The following SYNPO2 variants were observed in gnomAD, a reference collection of about 807,000 sequenced individuals.
The protein encoded by SYNPO2 is synaptopodin 2.
SYNPO2 carries 56 observed loss-of-function variants against 85.0 expected under a neutral mutation model. The observed-to-expected ratio is 0.66, with a 90% CI of 0.53 to 0.82. SYNPO2 has a LOEUF of 0.82. Among genes scored for constraint, SYNPO2 ranks in the 40% least tolerant of loss-of-function variants. SYNPO2 has a pLI of 0.00. For missense variants in SYNPO2, 1,575 were observed against 1,534.2 expected, an observed-to-expected ratio of 1.03 and a Z score of -0.44; for synonymous variants, 602 against 591.1, an observed-to-expected ratio of 1.02 and a Z score of -0.27.
At chr4:119,000,340 A>G (rs1736778200) in intron 1 of SYNPO2, among the ~76,000 whole-genome samples, 1 of 152,190 alleles carries the variant, frequency 6.6e-6, no homozygotes, top group African/African-American at 2.4e-5. Context: ...TGAGAGGATC[A>G]TTCTCCTTTC....
chr4:118,964,329 C>T (rs1735223186), intron 1 of SYNPO2, among the ~76,000 whole-genome samples: 1 of 148,924 alleles, frequency 6.7e-6, no homozygotes, highest in Admixed American at 6.7e-5. Flanking sequence ...CACACACACA[C>T]ACACACACAC....
At chr4:118,937,736 T>C (rs184798242) in intron 1 of SYNPO2, among the ~76,000 whole-genome samples, 67 of 152,302 alleles carry the variant, frequency 4.4e-4, no homozygotes, top group Non-Finnish European at 7.9e-4. Flanking sequence ...ACAAAATCCT[T>C]GTAAAATACT....
chr4:119,051,097 C>A (rs1739021981), intron 4 of SYNPO2, among the ~76,000 whole-genome samples: 1 of 150,638 alleles, frequency 6.6e-6, no homozygotes, highest in South Asian at 2.1e-4. Flanking sequence ...GTGGAAGAAA[C>A]TGGGAATGTA....
chr4:119,030,807 GC>G lies in SYNPO2; in HGVS notation c.2033del (p.Ala678GlufsTer27). Reference protein sequence around the residue: ...ASRDERISVPAKRTGILQEAK... With the variant: ...ASRDERISVPXKRTGILQEAK... ...CCGAGATGAGAGGATCTCAGTGCCA[GC>G]AAAAAGAACAGGAATATTGCAGGAG... On this transcript the variant is annotated frameshift_variant, in exon 4 of 5. Coordinates refer to ENST00000307142, the MANE Select transcript of SYNPO2 (RefSeq NM_133477.3). LOFTEE classifies it high-confidence loss of function. 6.2e-7 allele frequency: 1 copy of G among 1,614,114 alleles called. No homozygotes were observed. The highest frequency in any genetic ancestry group is 8.5e-7 in the Non-Finnish European group (1 of 1,180,022).
chr4:118,871,099 T>C lies in SYNPO2; in HGVS notation c.12+20159T>C, dbSNP rs557040237. On this transcript the variant is annotated intron_variant, in intron 1 of 4. Transcript: ENST00000610556. ...CTGTAAAGAATGTATACCCAGCACC[T>C]TGTTTGGTCAAAATATTTTTATGAT... 3.5e-3 allele frequency among the ~76,000 whole-genome samples: 529 copies of C among 152,230 alleles called. 3 individuals are homozygous for C. Among genetic ancestry groups the C allele is most frequent in the African/African-American group, 0.012 (487 of 41,538 alleles).
chr4:119,011,611 A>T (rs1737305122), intron 1 of SYNPO2, among the ~76,000 whole-genome samples: 1 of 152,252 alleles, frequency 6.6e-6, no homozygotes, highest in Admixed American at 6.5e-5. Context: ...TGAAAAAAGA[A>T]TAAATAGAAA....
rs756630183 is a variant in SYNPO2, at chr4:119,031,730, G to A, written c.2955G>A (p.Lys985=). The part of the protein sequence containing the change: ...SLFTFQPPDA[K]DGLPQKSSVK... ...TTACTTTCCAACCTCCAGATGCAAA[G>A]GATGGCCTCCCCCAGAAGTCATCAG... The change falls in exon 4 of 5, where the codon AAG becomes AAA. Residue 985 remains lysine, a synonymous_variant. Transcript: ENST00000307142. 1 of 1,614,186 alleles carries A rather than the reference G, an allele frequency of 6.2e-7. No homozygotes were observed. The highest frequency in any genetic ancestry group is 8.5e-7 in the Non-Finnish European group (1 of 1,180,040).
chr4:118,966,290 A>G (rs1029356733), intron 1 of SYNPO2, among the ~76,000 whole-genome samples: 7 of 152,230 alleles, frequency 4.6e-5, no homozygotes, highest in African/African-American at 1.7e-4. Context: ...CTATACCTCA[A>G]TGCTCAAGCA....
chr4:118,863,970 T>C, intron 1 of SYNPO2, among the ~76,000 whole-genome samples: 1 of 152,324 alleles, frequency 6.6e-6, no homozygotes, highest in East Asian at 1.9e-4. Flanking sequence ...GCTCTGATCT[T>C]TATTATTTCT....
At chr4:119,035,043 C>T in intron 4 of SYNPO2, 1 of 985,456 alleles carries the variant, frequency 1.0e-6, no homozygotes, top group Non-Finnish European at 1.2e-6. Context: ...ATTGCCAGCT[C>T]AAGAGCGACA....
intron 1 of SYNPO2, among the ~76,000 whole-genome samples, chr4:118,879,690 G>A (rs1054610144): frequency 6.6e-6 from 1 of 152,040 alleles, no homozygotes; most frequent in Non-Finnish European, 1.5e-5. Context: ...AAACACGAGG[G>A]GCTGCAAAGG....
At chr4:119,006,814 A>C (rs1263179749) in intron 1 of SYNPO2, among the ~76,000 whole-genome samples, 1 of 152,042 alleles carries the variant, frequency 6.6e-6, no homozygotes, top group African/African-American at 2.4e-5. Flanking sequence ...AGGGTATTGC[A>C]ACATGCTGAC....
chr4:118,928,917 C>T (rs914158356), intron 1 of SYNPO2, among the ~76,000 whole-genome samples: 4 of 152,116 alleles, frequency 2.6e-5, no homozygotes, highest in African/African-American at 9.7e-5. Flanking sequence ...TTGTCCCATA[C>T]TTGCTTGATT....
chr4:118,885,673 A>G (rs990455168), upstream of SYNPO2, among the ~76,000 whole-genome samples: 3 of 152,114 alleles, frequency 2.0e-5, no homozygotes, highest in African/African-American at 4.8e-5. Flanking sequence ...GGGTTTCACC[A>G]TGTTGGCCAG....
At chr4:119,013,568 C>G (rs1237954709) in intron 1 of SYNPO2, among the ~76,000 whole-genome samples, 1 of 152,054 alleles carries the variant, frequency 6.6e-6, no homozygotes, top group East Asian at 1.9e-4. Context: ...GTCAACCTGC[C>G]CATTTAAGGA....
intron 1 of SYNPO2, among the ~76,000 whole-genome samples, chr4:118,975,618 C>T (rs1248129568): frequency 6.6e-6 from 1 of 152,108 alleles, no homozygotes; most frequent in Non-Finnish European, 1.5e-5. Context: ...GCTGGGTTAC[C>T]ACACAATTTA....
chr4:119,058,087 TG>T lies in SYNPO2; in HGVS notation c.*154del. 3 of 667,618 alleles carry T rather than the reference TG, an allele frequency of 4.5e-6. No homozygotes were observed. Among genetic ancestry groups the T allele is most frequent in the Non-Finnish European group, 7.2e-6 (3 of 414,450 alleles). The allele number at this position is 667,618 out of a possible 1,614,324, so 41.4% of individuals were successfully genotyped here. A position where few individuals can be genotyped will look rare whatever the true frequency, so the allele number is the denominator to read the frequency against. On this transcript the variant is annotated 3_prime_UTR_variant, in exon 5 of 5. Coordinates refer to ENST00000307142, the MANE Select transcript of SYNPO2 (RefSeq NM_133477.3). ...CTAAGTTTGTGTTTCTGTGTGTGTG[TG>T]TGTGTGTGTATGTATGTGAATATAC...
At chr4:118,900,865 A>G (rs994423816) in intron 1 of SYNPO2, among the ~76,000 whole-genome samples, 1 of 150,938 alleles carries the variant, frequency 6.6e-6, no homozygotes, top group Non-Finnish European at 1.5e-5. Context: ...CAAAATATTC[A>G]TTTTCTTGAA....
At chr4:118,900,697 CTCTCTCTATATA>C (rs1195937497) in intron 1 of SYNPO2, among the ~76,000 whole-genome samples, 1,074 of 35,018 alleles carry the variant, frequency 0.031, 6 homozygotes, top group Non-Finnish European at 0.045. Flanking sequence ...CTCTCTCTCT[CTCTCTCTATATA>C]TATATATATA....
Sources: allele counts gnomAD v4.1 joint callset (sites outside exome capture counted in the v4.1 genomes callset), GRCh38; gene constraint gnomAD v4.1.1; transcripts MANE v1.5; gene names NCBI Gene and HGNC (gene_info 2026-07-23, HGNC 2026-07-21).